The following PCDHA4 variants were observed in gnomAD, a reference collection of about 807,000 sequenced individuals.
PCDHA4 encodes the protein protocadherin alpha 4, also known as protocadherin alpha-4.
In PCDHA4, 49 loss-of-function variants were observed where a neutral mutation model predicts 61.4. The ratio of observed to expected loss-of-function variants is 0.80; its 90% CI spans 0.63 to 1.01. The LOEUF is 1.01. Among genes scored for constraint, PCDHA4 ranks in the 50% least tolerant of loss-of-function variants. The pLI, the probability that PCDHA4 is intolerant of heterozygous loss-of-function variation, is 0.00. For missense variants in PCDHA4, 1,254 were observed against 1,235.8 expected (o/e 1.01, Z -0.22); for synonymous variants, 590 against 550.3 (o/e 1.07, Z -1.01).
Position 140,932,319 on chromosome 5 carries a change from G to A in PCDHA4, c.2386-46630G>A, listed in dbSNP as rs60286116. Among the ~76,000 whole-genome samples the A allele has an allele frequency of 3.3e-3, 499 of 151,902 alleles. 2 individuals are homozygous for A. The highest frequency in any genetic ancestry group is 0.012 in the African/African-American group (480 of 41,512). ...TTTTTAAAGGTATAAATATATTAATGTAGCAAAAATGCATGAAACACTTAC... is the reference window on the plus strand; with the variant it reads ...TTTTTAAAGGTATAAATATATTAATATAGCAAAAATGCATGAAACACTTAC... On this transcript the variant is annotated intron_variant, in intron 1 of 3. Transcript: ENST00000530339.
rs147537783 is a variant in PCDHA4 at position 140,982,491 on chromosome 5, G to C, written c.2461G>C (p.Glu821Gln). 1 of 1,614,076 alleles carries C rather than the reference G, an allele frequency of 6.2e-7. No individual in the cohort carries two copies. Among genetic ancestry groups the C allele is most frequent in the African/African-American group, 1.3e-5 (1 of 74,924 alleles). The change falls in exon 3 of 4, where the codon GAG becomes CAG. Residue 821 changes from glutamate to glutamine, a missense_variant. Physicochemically the swap from Glu to Gln is conservative, Grantham distance 29. Coordinates refer to ENST00000530339, the MANE Select transcript of PCDHA4 (RefSeq NM_018907.4). ...TTTATTCAGCTCTGTGCACCTAGAG[G>C]AGGCTGGCATTCTACGGGCTGGTCC... is the stretch of plus-strand genomic sequence containing the variant. ...AGMHSSVHLE[E>Q]AGILRAGPGG...
chr5:140,929,651 A>G (rs2086278415), intron 1 of PCDHA4: 2 of 358,222 alleles, frequency 5.6e-6, no homozygotes, highest in East Asian at 8.9e-5. Context: ...AAGGCACTCT[A>G]ATATTTAAAG....
At chr5:140,841,429 C>T in intron 1 of PCDHA4, 1 of 1,612,960 alleles carries the variant, frequency 6.2e-7, no homozygotes, top group African/African-American at 1.3e-5. Context: ...ACTCCGTCCC[C>T]GAGGAGGCCA....
chr5:140,928,411 A>G, intron 1 of PCDHA4: 2 of 1,614,066 alleles, frequency 1.2e-6, no homozygotes, highest in Non-Finnish European at 1.7e-6. Context: ...CAGTGGGGCC[A>G]TCACTGCCAA....
chr5:141,002,975 A>G (rs188944079), intron 3 of PCDHA4, among the ~76,000 whole-genome samples: 1 of 152,338 alleles, frequency 6.6e-6, no homozygotes, highest in Admixed American at 6.5e-5. Context: ...TGAAAATAGT[A>G]TCCTTGGTCA....
At chr5:140,981,629 G>A (rs1342775971) in intron 2 of PCDHA4, among the ~76,000 whole-genome samples, 1 of 151,994 alleles carries the variant, frequency 6.6e-6, no homozygotes. Flanking sequence ...GGTTTTCTTG[G>A]ACATTTTCTC....
At chr5:141,007,395 C>CAAAAA (rs35800918) in intron 3 of PCDHA4, among the ~76,000 whole-genome samples, 20 of 94,830 alleles carry the variant, frequency 2.1e-4, no homozygotes, top group South Asian at 3.5e-4. Context: ...TACTAAAATA[C>CAAAAA]AAAAAAAAAA....
chr5:140,908,308 G>A (rs1011025623), intron 1 of PCDHA4, among the ~76,000 whole-genome samples: 19 of 152,170 alleles, frequency 1.2e-4, no homozygotes, highest in African/African-American at 4.6e-4. Context: ...AAGGAAGGGC[G>A]GCAGGAGTGG....
intron 1 of PCDHA4, among the ~76,000 whole-genome samples, chr5:140,826,241 T>C (rs958846502): frequency 1.3e-5 from 2 of 152,242 alleles, no homozygotes; most frequent in Non-Finnish European, 2.9e-5. Context: ...ACTATTTATA[T>C]ATCTCTTTAT....
rs1554124756 is a variant in PCDHA4 at position 140,808,750 on chromosome 5, G to A, written c.1563G>A (p.Gln521=). Residue 521 remains glutamine (Q), a synonymous_variant, in exon 1 of 4, where the codon CAG becomes CAA. Coordinates refer to ENST00000530339, the MANE Select transcript of PCDHA4 (RefSeq NM_018907.4). ...HAESGKVYAL[Q]PLDHEELELL... ...AGAGCGGCAAGGTGTACGCGCTGCAGCCGCTGGACCACGAGGAGCTAGAGC... is the reference window on the plus strand; with the variant it reads ...AGAGCGGCAAGGTGTACGCGCTGCAACCGCTGGACCACGAGGAGCTAGAGC... 13 of 1,612,220 alleles carry A rather than the reference G, an allele frequency of 8.1e-6. 1 individual carries two copies. Among genetic ancestry groups the A allele is most frequent in the Non-Finnish European group, 1.1e-5 (13 of 1,179,814 alleles).
intron 1 of PCDHA4, among the ~76,000 whole-genome samples, chr5:140,938,520 A>G (rs1240941217): frequency 6.6e-6 from 1 of 150,896 alleles, no homozygotes; most frequent in African/African-American, 2.4e-5. Context: ...ATTTTCTGTT[A>G]TTGAATGGAT....
chr5:140,901,493 G>A (rs1407022584), intron 1 of PCDHA4, among the ~76,000 whole-genome samples: 7 of 152,016 alleles, frequency 4.6e-5, no homozygotes, highest in Admixed American at 3.9e-4. Flanking sequence ...CACCTTCATC[G>A]AAAATGAGTT....
chr5:140,919,649 T>C (rs1252944920), intron 1 of PCDHA4, among the ~76,000 whole-genome samples: 1 of 152,202 alleles, frequency 6.6e-6, no homozygotes, highest in African/African-American at 2.4e-5. Flanking sequence ...TTCTCTAGAG[T>C]TTACCATATA....
intron 1 of PCDHA4, among the ~76,000 whole-genome samples, chr5:140,953,652 G>A (rs2094921965): frequency 6.6e-6 from 1 of 152,102 alleles, no homozygotes; most frequent in South Asian, 2.1e-4. Context: ...AGCTATAGTT[G>A]TTATCTCTGG....
chr5:140,835,638 T>C, intron 1 of PCDHA4: 1 of 1,613,926 alleles, frequency 6.2e-7, no homozygotes, highest in Non-Finnish European at 8.5e-7. Context: ...CGAGAGTGTG[T>C]CCGCCTATGA....
At chr5:140,816,507 TTGTGTGTGTGTG>T (rs35639952) in intron 1 of PCDHA4, 1 of 149,440 alleles carries the variant, frequency 6.7e-6, no homozygotes, top group African/African-American at 2.5e-5. Context: ...GGAGGTGTGT[TTGTGTGTGTGTG>T]TGTGTGTGTG....
At chr5:140,856,540 C>T (rs1554148838) in intron 1 of PCDHA4, 1 of 1,598,278 alleles carries the variant, frequency 6.3e-7, no homozygotes, top group Non-Finnish European at 8.6e-7. Context: ...TTGGAGAGAA[C>T]GCATTGCTTA....
intron 1 of PCDHA4, among the ~76,000 whole-genome samples, chr5:140,954,419 T>TG (rs1413660060): frequency 1.3e-5 from 2 of 151,998 alleles, no homozygotes; most frequent in African/African-American, 4.8e-5. Context: ...AAGGTGTTCC[T>TG]TTTTCTCCAT....
intron 1 of PCDHA4, among the ~76,000 whole-genome samples, chr5:140,907,242 T>A (rs532344223): frequency 6.6e-6 from 1 of 152,328 alleles, no homozygotes; most frequent in African/African-American, 2.4e-5. Flanking sequence ...TAGTTGACAT[T>A]GTAATTGTGA....
Sources: allele counts gnomAD v4.1 joint callset (sites outside exome capture counted in the v4.1 genomes callset), GRCh38; gene constraint gnomAD v4.1.1; transcripts MANE v1.5; gene names NCBI Gene and HGNC (gene_info 2026-07-23, HGNC 2026-07-21).